JARID2: variants seen among roughly 807,000 people sequenced by gnomAD.
The protein encoded by JARID2 is jumonji and AT-rich interaction domain containing 2.
A neutral mutation model predicts 125.6 loss-of-function variants in JARID2; 21 were observed. The observed-to-expected ratio is 0.17, with a 90% confidence interval of 0.12 to 0.24. The LOEUF is 0.24. Among genes scored for constraint, JARID2 ranks in the 10% least tolerant of loss-of-function variants. JARID2 has a pLI of 1.00. For synonymous variants in JARID2, 736 were observed against 661.6 expected (o/e 1.11, Z -1.73); for missense variants, 1,303 against 1,639.6 (o/e 0.79, Z 3.55).
At chr6:15,423,770 T>C (rs1392918445) in intron 3 of JARID2, among the ~76,000 whole-genome samples, 2 of 152,168 alleles carry the variant, frequency 1.3e-5, no homozygotes, top group Non-Finnish European at 2.9e-5. Context: ...CTCCACTCCT[T>C]GCTGGCCTCT....
In JARID2 at chr6:15,450,108, T is replaced by C. The variant is rs1402064515; in HGVS notation, c.324-1898T>C. Among the ~76,000 whole-genome samples, 3 of 152,188 alleles carry C rather than the reference T, an allele frequency of 2.0e-5. No homozygotes were observed. The East Asian group carries it at 5.8e-4, about 29-fold the overall frequency. ...GATAAATGCTTACTATTTTATATAA[T>C]CCACTCCCAACCATGTCTTTAAGGG... is the stretch of plus-strand genomic sequence containing the variant. On this transcript the variant is annotated intron_variant, in intron 3 of 17. Transcript: ENST00000341776.
At chr6:15,327,587 G>A (rs898363877) in intron 1 of JARID2, among the ~76,000 whole-genome samples, 7 of 151,888 alleles carry the variant, frequency 4.6e-5, no homozygotes, top group South Asian at 2.1e-4. Context: ...GTGCATCCCC[G>A]CATGCTGCCA....
chr6:15,261,406 C>G lies in JARID2; in HGVS notation c.45+14822C>G, dbSNP rs951084433. On this transcript the variant is annotated intron_variant, in intron 1 of 17. Transcript: ENST00000341776. ...CTTGGCTCACTGCAACAACCTCTAC[C>G]TCCCAGGTTCAAGCGCTTCTCTTGC... Among the ~76,000 whole-genome samples the G allele has an allele frequency of 2.0e-5, 3 of 151,254 alleles. No individual in the cohort carries two copies. The East Asian group carries it at 5.8e-4, about 29-fold the overall frequency.
chr6:15,509,048 A>T (rs1268269338), intron 12 of JARID2: 2 of 1,289,142 alleles, frequency 1.6e-6, no homozygotes, highest in Admixed American at 4.6e-5. Flanking sequence ...TGCCATGTGG[A>T]GACACGCGCG....
rs754929108 is a variant in JARID2, at chr6:15,504,584, G to A, written c.2533G>A (p.Glu845Lys). The A allele has an allele frequency of 1.8e-5, 29 of 1,612,664 alleles. No individual in the cohort carries two copies. The highest frequency in any genetic ancestry group is 2.1e-5 in the Non-Finnish European group (25 of 1,178,802). The change falls in exon 9 of 18, where the codon GAA becomes AAA. Residue 845 changes from glutamate to lysine, a missense_variant. This residue lies in a region of JARID2 where 29 missense variants were observed against 47.7 expected (regional missense o/e 0.61). Transcript: ENST00000341776. ...MCFSKEPAPA[E>K]IEQEYWRLVE... is the part of the protein sequence containing the mutation. ...TTTCAGCAAGGAGCCTGCCCCAGCC[G>A]AAATCGAGGTGAGAGAAGGGGCCCC...
chr6:15,426,755 A>G (rs1317688190), intron 3 of JARID2, among the ~76,000 whole-genome samples: 3 of 152,218 alleles, frequency 2.0e-5, no homozygotes, highest in Admixed American at 6.5e-5. Flanking sequence ...CCAGAGGATG[A>G]GGTGACTTAA....
At chr6:15,392,174 C>T (rs1765043466) in intron 2 of JARID2, among the ~76,000 whole-genome samples, 1 of 152,002 alleles carries the variant, frequency 6.6e-6, no homozygotes, top group Non-Finnish European at 1.5e-5. Context: ...CCTTCCTTTA[C>T]TGTCAAGCCA....
chr6:15,396,214 A>G (rs1469397200), intron 2 of JARID2, among the ~76,000 whole-genome samples: 1 of 152,212 alleles, frequency 6.6e-6, no homozygotes, highest in Non-Finnish European at 1.5e-5. Context: ...AAAGCCAACA[A>G]TATATATTGA....
chr6:15,254,259 A>G (rs757109664), intron 1 of JARID2, among the ~76,000 whole-genome samples: 1 of 152,144 alleles, frequency 6.6e-6, no homozygotes, highest in Admixed American at 6.5e-5. Flanking sequence ...CCCCCACCAC[A>G]TTCTTGGGTG....
chr6:15,456,176 C>T lies in JARID2; in HGVS notation c.493+4001C>T, dbSNP rs528270869. Among the ~76,000 whole-genome samples, 28 of 152,294 alleles carry T rather than the reference C, an allele frequency of 1.8e-4. No individual in the cohort carries two copies. In the South Asian group the frequency reaches 5.6e-3, roughly 30 times the overall value. ...TACTTGTGCGTGCACTATCTTATAA[C>T]ATTATATTTTCTGAGGTTCTGGGAA... On this transcript the variant is annotated intron_variant, in intron 4 of 17. Transcript: ENST00000341776.
intron 3 of JARID2, among the ~76,000 whole-genome samples, chr6:15,433,636 G>C (rs1172466752): frequency 6.6e-6 from 1 of 152,094 alleles, no homozygotes; most frequent in Non-Finnish European, 1.5e-5. Flanking sequence ...ATGATTCCCA[G>C]CTTCCTGTGG....
intron 3 of JARID2, among the ~76,000 whole-genome samples, chr6:15,420,688 T>G (rs145616120): frequency 7.2e-5 from 11 of 152,348 alleles, no homozygotes; most frequent in African/African-American, 2.6e-4. Flanking sequence ...CTCTACATAT[T>G]CTTGAGCATT....
In JARID2 at chr6:15,417,289, G is replaced by A. The variant is rs6937283; in HGVS notation, c.323+6924G>A. Among the ~76,000 whole-genome samples, 205 of 152,056 alleles carry A rather than the reference G, an allele frequency of 1.3e-3. 2 individuals are homozygous for A. The highest frequency in any genetic ancestry group is 4.3e-3 in the African/African-American group (180 of 41,506). On this transcript the variant is annotated intron_variant, in intron 3 of 17. Coordinates refer to ENST00000341776, the MANE Select transcript of JARID2 (RefSeq NM_004973.4). ...CTCATTATATCTTGAACATTTACTTGTTGTGTTATATAATGCAACAGGTAT... is the reference window on the plus strand; with the variant it reads ...CTCATTATATCTTGAACATTTACTTATTGTGTTATATAATGCAACAGGTAT...
intron 16 of JARID2, among the ~76,000 whole-genome samples, chr6:15,513,627 T>TCC (rs1186271915): frequency 6.6e-6 from 1 of 152,216 alleles, no homozygotes; most frequent in Non-Finnish European, 1.5e-5. Context: ...ACAGAGGCTG[T>TCC]CCCTCTGTTC....
At chr6:15,330,826 T>C (rs1762681575) in intron 1 of JARID2, among the ~76,000 whole-genome samples, 1 of 152,232 alleles carries the variant, frequency 6.6e-6, no homozygotes, top group Non-Finnish European at 1.5e-5. Context: ...ATATATATTT[T>C]AAGTCCTCCT....
intron 1 of JARID2, among the ~76,000 whole-genome samples, chr6:15,325,353 T>A (rs1009471507): frequency 7.2e-5 from 11 of 152,190 alleles, no homozygotes; most frequent in Admixed American, 2.6e-4. Flanking sequence ...TATCCTTTTT[T>A]TCCCCCTATT....
At chr6:15,437,062 C>A (rs537225529) in intron 3 of JARID2, among the ~76,000 whole-genome samples, 2 of 152,108 alleles carry the variant, frequency 1.3e-5, no homozygotes, top group Admixed American at 1.3e-4. Context: ...TTTTACTGTT[C>A]AGCTTCAGCA....
chr6:15,255,841 A>G (rs772207889), intron 1 of JARID2, among the ~76,000 whole-genome samples: 2 of 152,172 alleles, frequency 1.3e-5, no homozygotes, highest in East Asian at 1.9e-4. Flanking sequence ...ATGCCTTATT[A>G]CTGCTACTAA....
At chr6:15,251,052 C>T (rs749394742) in intron 1 of JARID2, among the ~76,000 whole-genome samples, 19 of 151,788 alleles carry the variant, frequency 1.3e-4, no homozygotes, top group Non-Finnish European at 2.4e-4. Context: ...CAGGGTCTTG[C>T]TCAGCCACCC....
Sources: allele counts gnomAD v4.1 joint callset (sites outside exome capture counted in the v4.1 genomes callset), GRCh38; gene constraint gnomAD v4.1.1; regional missense constraint gnomAD v4.1.1; transcripts MANE v1.5; gene names NCBI Gene and HGNC (gene_info 2026-07-23, HGNC 2026-07-21).